Variants in IQCJ observed in about 807,000 individuals in gnomAD.
The protein encoded by IQCJ is IQ motif containing J.
IQCJ carries 9 observed loss-of-function variants against 11.0 expected under a neutral mutation model. The observed-to-expected ratio is 0.82, with a 90% CI of 0.49 to 1.43. The LOEUF (loss-of-function observed/expected upper bound fraction) is 1.43. Ranked by LOEUF, IQCJ falls within the 40% of genes most tolerant of loss-of-function variation. IQCJ has a pLI of 0.00. For missense variants in IQCJ, 146 were observed against 133.2 expected, an observed-to-expected ratio of 1.10 and a Z score of -0.47; for synonymous variants, 55 against 51.3, an observed-to-expected ratio of 1.07 and a Z score of -0.31.
intron 1 of IQCJ, among the ~76,000 whole-genome samples, chr3:159,236,477 TCA>T (rs1726599791): frequency 6.6e-6 from 1 of 152,214 alleles, no homozygotes. Flanking sequence ...GCATTGTAAT[TCA>T]CACAGTTATT....
intron 1 of IQCJ, among the ~76,000 whole-genome samples, chr3:159,165,984 G>A (rs1387142841): frequency 6.6e-6 from 1 of 151,504 alleles, no homozygotes; most frequent in African/African-American, 2.4e-5. Context: ...GAAGTCTTTG[G>A]CATCTTGCAA....
chr3:159,257,240 G>T (rs989302414), intron 3 of IQCJ, among the ~76,000 whole-genome samples: 2 of 152,142 alleles, frequency 1.3e-5, no homozygotes, highest in Non-Finnish European at 2.9e-5. Flanking sequence ...GAAGCATTTG[G>T]ATTAGCCTAA....
At chr3:159,169,105 A>G (rs1722337381) in intron 1 of IQCJ, among the ~76,000 whole-genome samples, 1 of 152,148 alleles carries the variant, frequency 6.6e-6, no homozygotes, top group African/African-American at 2.4e-5. Flanking sequence ...TTGACTCTAT[A>G]AAGGAGATAC....
chr3:159,179,731 T>C (rs1196640099), intron 1 of IQCJ, among the ~76,000 whole-genome samples: 1 of 152,206 alleles, frequency 6.6e-6, no homozygotes, highest in Non-Finnish European at 1.5e-5. Flanking sequence ...TTAATAAGAA[T>C]CAACCTTTAA....
chr3:159,223,283 CA>C (rs1725653727), intron 1 of IQCJ, among the ~76,000 whole-genome samples: 1 of 151,604 alleles, frequency 6.6e-6, no homozygotes, highest in Non-Finnish European at 1.5e-5. Flanking sequence ...AAATAAGTGT[CA>C]AAAAGGAAAG....
chr3:159,114,313 G>T lies in IQCJ; in HGVS notation c.9+44872G>T, dbSNP rs1417826188. Reference sequence around the variant, plus strand: ...CACACAAGACTTCTTGTTTCTAAATGTTTTTTTTTTTTTCTGAGACGTAGT... The same window carrying T: ...CACACAAGACTTCTTGTTTCTAAATTTTTTTTTTTTTTTCTGAGACGTAGT... On this transcript the variant is annotated intron_variant, in intron 1 of 3. Transcript: ENST00000397832. 9.8e-5 allele frequency among the ~76,000 whole-genome samples: 14 copies of T among 143,030 alleles called. 1 individual carries two copies. The highest frequency in any genetic ancestry group is 2.3e-4 in the African/African-American group (9 of 38,586). The allele number at this position is 143,030 out of a possible 152,430, so 93.8% of individuals were successfully genotyped here.
intron 1 of IQCJ, among the ~76,000 whole-genome samples, chr3:159,184,370 T>C (rs1050384021): frequency 2.0e-5 from 3 of 152,216 alleles, no homozygotes; most frequent in Non-Finnish European, 4.4e-5. Flanking sequence ...CCTTCTCTGA[T>C]TATTCATTCT....
chr3:159,199,435 A>G (rs1724184091), intron 1 of IQCJ, among the ~76,000 whole-genome samples: 1 of 152,232 alleles, frequency 6.6e-6, no homozygotes. Flanking sequence ...TCCAGGAGAA[A>G]CAGAGACGCT....
chr3:159,229,658 A>C (rs1455063652), intron 1 of IQCJ, among the ~76,000 whole-genome samples: 1 of 139,648 alleles, frequency 7.2e-6, no homozygotes, highest in Non-Finnish European at 1.5e-5. Context: ...TTTTAATTTC[A>C]TGCTTTCTGT....
At chr3:159,116,171 T>C (rs1718985246) in intron 1 of IQCJ, among the ~76,000 whole-genome samples, 1 of 151,806 alleles carries the variant, frequency 6.6e-6, no homozygotes, top group South Asian at 2.1e-4. Context: ...GGAGGTCAGG[T>C]TGTAGTAAGC....
intron 1 of IQCJ, among the ~76,000 whole-genome samples, chr3:159,191,716 C>G (rs1169590910): frequency 6.6e-6 from 1 of 152,092 alleles, no homozygotes; most frequent in African/African-American, 2.4e-5. Context: ...ACAGCATCCC[C>G]CTAAGGTGAC....
chr3:159,149,036 A>G (rs1721061358), intron 1 of IQCJ, among the ~76,000 whole-genome samples: 1 of 152,220 alleles, frequency 6.6e-6, no homozygotes, highest in African/African-American at 2.4e-5. Context: ...TAGTTTATTT[A>G]GTGGTTTGTG....
Position 159,262,588 on chromosome 3 carries a change from C to A in IQCJ, c.196C>A (p.Pro66Thr). Reference sequence around the variant, plus strand: ...GCGAGAGTACCTGCAGCGGCAGGAGCCCCTGGGGAAGAGGAGCCCGTCCCC... The same window carrying A: ...GCGAGAGTACCTGCAGCGGCAGGAGACCCTGGGGAAGAGGAGCCCGTCCCC... The part of the protein sequence containing the change: ...AWREYLQRQE[P>T]LGKRSPSPPS... Residue 66 changes from proline to threonine, a missense_variant, in exon 4 of 4, where the codon CCC becomes ACC. Physicochemically the swap from Pro to Thr is conservative, Grantham distance 38. Coordinates refer to ENST00000397832, the MANE Select transcript of IQCJ (RefSeq NM_001042706.3). The A allele has an allele frequency of 6.2e-7, 1 of 1,613,812 alleles. No individual in the cohort carries two copies. Among genetic ancestry groups the A allele is most frequent in the Non-Finnish European group, 8.5e-7 (1 of 1,179,816 alleles).
rs771499167 is a variant in IQCJ at position 159,182,853 on chromosome 3, A to G, written c.10-62990A>G. ...ACATAACCGATTAGGTCAGGGGTCA[A>G]TCTTTAACTACCAGGCCCAGGGTGT... On this transcript the variant is annotated intron_variant, in intron 1 of 3. Coordinates refer to ENST00000397832, the MANE Select transcript of IQCJ (RefSeq NM_001042706.3). Among the ~76,000 whole-genome samples, 6 of 151,516 alleles carry G rather than the reference A, an allele frequency of 4.0e-5. No individual in the cohort carries two copies. In the South Asian group the frequency reaches 6.2e-4, roughly 16 times the overall value.
chr3:159,142,693 C>T (rs1452468252), intron 1 of IQCJ, among the ~76,000 whole-genome samples: 6 of 152,114 alleles, frequency 3.9e-5, no homozygotes, highest in African/African-American at 7.2e-5. Context: ...GCTGGAATTA[C>T]AGGCGTCAGC....
chr3:159,165,606 A>C (rs1043712776), intron 1 of IQCJ, among the ~76,000 whole-genome samples: 3 of 151,150 alleles, frequency 2.0e-5, no homozygotes, highest in African/African-American at 7.4e-5. Context: ...TATTTTATAA[A>C]ATGTTAAAGC....
chr3:159,209,454 G>A (rs745933758), intron 1 of IQCJ, among the ~76,000 whole-genome samples: 2 of 152,098 alleles, frequency 1.3e-5, no homozygotes, highest in East Asian at 3.9e-4. Context: ...CTGGACAGAC[G>A]GATGGCTGAG....
intron 1 of IQCJ, among the ~76,000 whole-genome samples, chr3:159,190,242 C>G (rs978311818): frequency 6.6e-6 from 1 of 152,150 alleles, no homozygotes; most frequent in African/African-American, 2.4e-5. Context: ...TCATTTGATC[C>G]TGGGATCTTG....
chr3:159,238,846 G>T (rs1237349029), intron 1 of IQCJ, among the ~76,000 whole-genome samples: 2 of 152,110 alleles, frequency 1.3e-5, no homozygotes, highest in Admixed American at 6.6e-5. Context: ...AGAAGTGTGT[G>T]CAGGGGCCAA....
Sources: allele counts gnomAD v4.1 joint callset (sites outside exome capture counted in the v4.1 genomes callset), GRCh38; gene constraint gnomAD v4.1.1; transcripts MANE v1.5; gene names NCBI Gene and HGNC (gene_info 2026-07-23, HGNC 2026-07-21).